The following SYNDIG1L variants were observed in gnomAD, a reference collection of about 807,000 sequenced individuals.
SYNDIG1L encodes the protein synapse differentiation-inducing gene protein 1-like.
In SYNDIG1L, 13 loss-of-function variants were observed where a neutral mutation model predicts 20.1. The observed-to-expected ratio is 0.65, with a 90% CI of 0.42 to 1.03. The LOEUF (loss-of-function observed/expected upper bound fraction) is 1.03, where lower values mean the gene tolerates loss of function less well. Among genes scored for constraint, SYNDIG1L ranks in the 50% least tolerant of loss-of-function variants. SYNDIG1L has a pLI of 0.00. For missense variants in SYNDIG1L, 294 were observed against 305.1 expected (o/e 0.96, Z 0.27); for synonymous variants, 128 against 129.3 (o/e 0.99, Z 0.07).
chr14:74,420,941 C>T (rs956805358), intron 1 of SYNDIG1L, among the ~76,000 whole-genome samples: 1 of 152,160 alleles, frequency 6.6e-6, no homozygotes, highest in Non-Finnish European at 1.5e-5. Flanking sequence ...GAAATTCATA[C>T]TAGCTGCTTG....
chr14:74,473,258 G>A, the SYNDIG1L span, among the ~76,000 whole-genome samples: 4 of 152,024 alleles, frequency 2.6e-5, no homozygotes, highest in Non-Finnish European at 4.4e-5. Flanking sequence ...GGTGGCAGGC[G>A]CCTGTAATCC....
chr14:74,469,626 C>A, the SYNDIG1L span, among the ~76,000 whole-genome samples: 1 of 152,228 alleles, frequency 6.6e-6, no homozygotes, highest in Non-Finnish European at 1.5e-5. Flanking sequence ...AGGTCATCAC[C>A]TGTCGCCTGA....
the SYNDIG1L span, among the ~76,000 whole-genome samples, chr14:74,459,832 T>C: frequency 6.6e-6 from 1 of 152,196 alleles, no homozygotes; most frequent in African/African-American, 2.4e-5. Context: ...TGTTGCTGAC[T>C]CCTTCAGAGA....
At chr14:74,427,465 A>G (rs2086275577), upstream of SYNDIG1L, among the ~76,000 whole-genome samples, 1 of 152,112 alleles carries the variant, frequency 6.6e-6, no homozygotes, top group African/African-American at 2.4e-5. Flanking sequence ...AGTTCGGTGT[A>G]GCTCCTAGAG....
chr14:74,456,412 C>A, the SYNDIG1L span, among the ~76,000 whole-genome samples: 1 of 152,082 alleles, frequency 6.6e-6, no homozygotes, highest in Non-Finnish European at 1.5e-5. Flanking sequence ...TGCCTGTAAT[C>A]CCAGCTATAT....
chr14:74,442,521 G>A, the SYNDIG1L span, among the ~76,000 whole-genome samples: 1 of 152,220 alleles, frequency 6.6e-6, no homozygotes, highest in Non-Finnish European at 1.5e-5. Flanking sequence ...CAAAGTGAGG[G>A]TGGAGAGATA....
At chr14:74,439,062 C>T in the SYNDIG1L span, among the ~76,000 whole-genome samples, 10 of 146,946 alleles carry the variant, frequency 6.8e-5, no homozygotes, top group Non-Finnish European at 1.2e-4. Flanking sequence ...TGCAGTGAGC[C>T]GAGATTGTGC....
intron 1 of SYNDIG1L, among the ~76,000 whole-genome samples, chr14:74,422,034 C>T (rs1198552875): frequency 6.6e-6 from 1 of 152,172 alleles, no homozygotes; most frequent in Admixed American, 6.5e-5. Context: ...GGCTCTGCTA[C>T]TCAAATTAGT....
At chr14:74,453,112 CA>C in the SYNDIG1L span, among the ~76,000 whole-genome samples, 1 of 151,864 alleles carries the variant, frequency 6.6e-6, no homozygotes, top group Admixed American at 6.6e-5. Context: ...TTTGGGAGCA[CA>C]AGGCAGGTGG....
the SYNDIG1L span, among the ~76,000 whole-genome samples, chr14:74,432,030 AGAGGGG>A: frequency 6.6e-6 from 1 of 152,084 alleles, no homozygotes; most frequent in Non-Finnish European, 1.5e-5. Context: ...GTCTGCAAGC[AGAGGGG>A]GAAGTGAAAA....
chr14:74,412,424 C>A (rs1012360514), intron 1 of SYNDIG1L, among the ~76,000 whole-genome samples: 1 of 152,184 alleles, frequency 6.6e-6, no homozygotes, highest in Non-Finnish European at 1.5e-5. Context: ...GCCCGGTCCA[C>A]CCCCATTAGC....
the SYNDIG1L span, among the ~76,000 whole-genome samples, chr14:74,475,565 ATCTC>A: frequency 1.4e-4 from 21 of 151,310 alleles, no homozygotes; most frequent in South Asian, 4.2e-4. Context: ...TTCTAGTGGC[ATCTC>A]TCTCTCTCTC....
chr14:74,416,943 C>G (rs1271772819), intron 1 of SYNDIG1L, among the ~76,000 whole-genome samples: 1 of 152,192 alleles, frequency 6.6e-6, no homozygotes, highest in Non-Finnish European at 1.5e-5. Context: ...CAGCACACAG[C>G]TGGTGAGTGG....
At chr14:74,454,504 C>T in the SYNDIG1L span, among the ~76,000 whole-genome samples, 1 of 152,204 alleles carries the variant, frequency 6.6e-6, no homozygotes, top group Non-Finnish European at 1.5e-5. Flanking sequence ...GGCCAGAGAG[C>T]AGCCCTGAGA....
At chr14:74,432,832 G>A in the SYNDIG1L span, among the ~76,000 whole-genome samples, 1 of 151,752 alleles carries the variant, frequency 6.6e-6, no homozygotes, top group African/African-American at 2.4e-5. Context: ...CCAGCCTGGG[G>A]GACAGAGGGA....
the SYNDIG1L span, among the ~76,000 whole-genome samples, chr14:74,471,281 G>A: frequency 4.4e-3 from 664 of 152,168 alleles, 5 homozygotes; most frequent in African/African-American, 0.015. Flanking sequence ...AGGAGTGGCC[G>A]GCAGAGGAAT....
rs1336256324 is a variant in SYNDIG1L, at chr14:74,409,820, A to T, written c.-57-19T>A. 5 of 1,359,732 alleles carry T rather than the reference A, an allele frequency of 3.7e-6. No individual in the cohort carries two copies. The African/African-American group carries it at 7.4e-5, about 20-fold the overall frequency. 84.2% of individuals were successfully genotyped at this position (1,359,732 alleles called of 1,614,324 possible). On this transcript the variant is annotated intron_variant, in intron 1 of 3. Transcript: ENST00000331628. ...TCAGAGCCTGTCAGAAGAGCAAGAC[A>T]GACAAGCACTGAGGCCAGGGCACTG... is the stretch of plus-strand genomic sequence containing the variant.
At chr14:74,415,286 C>T (rs935646566) in intron 1 of SYNDIG1L, among the ~76,000 whole-genome samples, 3 of 152,194 alleles carry the variant, frequency 2.0e-5, no homozygotes, top group Admixed American at 1.3e-4. Context: ...CGAAAGTTGT[C>T]TCAGGGCAGG....
intron 1 of SYNDIG1L, 76 bp from the exon 2 acceptor site, chr14:74,409,877 G>A (rs2086117691): frequency 1.7e-6 from 2 of 1,158,662 alleles, no homozygotes; most frequent in Non-Finnish European, 2.2e-6. Context: ...AAGAGCATGG[G>A]TCCTGCAGTC....
Sources: gnomAD v4.1 joint callset for allele counts (sites outside exome capture counted in the v4.1 genomes callset) on GRCh38, gnomAD v4.1.1 for gene constraint, MANE v1.5 for transcripts, NCBI Gene and HGNC (gene_info 2026-07-23, HGNC 2026-07-21) for gene names.